ZNF385B: variants seen among roughly 807,000 people sequenced by gnomAD.
The protein encoded by ZNF385B is zinc finger protein 385B.
In ZNF385B, 23 loss-of-function variants were observed where a neutral mutation model predicts 39.2. The ratio of observed to expected loss-of-function variants is 0.59; its 90% CI spans 0.42 to 0.83. The LOEUF (loss-of-function observed/expected upper bound fraction) is 0.83. ZNF385B is among the 40% of genes least tolerant of loss of function. The pLI, the probability that ZNF385B is intolerant of heterozygous loss-of-function variation, is 0.00. For synonymous variants in ZNF385B, 205 were observed against 222.6 expected (o/e 0.92, Z 0.70); for missense variants, 552 against 598.9 (o/e 0.92, Z 0.82).
intron 3 of ZNF385B, among the ~76,000 whole-genome samples, chr2:179,714,681 C>T (rs910812587): frequency 4.6e-5 from 7 of 152,046 alleles, no homozygotes; most frequent in African/African-American, 1.7e-4. Flanking sequence ...CGTGGTGGCT[C>T]ACGCCTGTAA....
chr2:179,704,478 C>A (rs573609343), intron 3 of ZNF385B, among the ~76,000 whole-genome samples: 1 of 152,238 alleles, frequency 6.6e-6, no homozygotes, highest in South Asian at 2.1e-4. Flanking sequence ...ATAGACTTTT[C>A]ATTTTGGAGA....
At chr2:179,790,684 C>T (rs1298350509) in intron 1 of ZNF385B, among the ~76,000 whole-genome samples, 2 of 152,132 alleles carry the variant, frequency 1.3e-5, no homozygotes, top group African/African-American at 2.4e-5. Context: ...TGTTCCACCA[C>T]CTAACAAATA....
At chr2:179,660,905 C>CA (rs1368929196) in intron 3 of ZNF385B, among the ~76,000 whole-genome samples, 3 of 152,136 alleles carry the variant, frequency 2.0e-5, no homozygotes, top group African/African-American at 7.2e-5. Context: ...CAAATATTAG[C>CA]ATATTTTAGC....
chr2:179,729,279 A>C (rs950689656), intron 3 of ZNF385B, among the ~76,000 whole-genome samples: 1 of 152,208 alleles, frequency 6.6e-6, no homozygotes, highest in Non-Finnish European at 1.5e-5. Flanking sequence ...TCAAGCAAAC[A>C]TCATTGACAA....
chr2:179,746,419 T>C (rs1702386587), intron 3 of ZNF385B, among the ~76,000 whole-genome samples: 3 of 152,134 alleles, frequency 2.0e-5, no homozygotes, highest in African/African-American at 4.8e-5. Context: ...ATATTTGACA[T>C]AGATGTCCAT....
intron 3 of ZNF385B, among the ~76,000 whole-genome samples, chr2:179,768,337 T>C (rs1226679835): frequency 6.6e-6 from 1 of 152,186 alleles, no homozygotes; most frequent in African/African-American, 2.4e-5. Context: ...GGAAAAATAA[T>C]TTTTCTACTA....
At chr2:179,639,805 T>C (rs1218319504) in intron 3 of ZNF385B, among the ~76,000 whole-genome samples, 1 of 152,202 alleles carries the variant, frequency 6.6e-6, no homozygotes, top group Non-Finnish European at 1.5e-5. Context: ...TCACAAAGTT[T>C]CAAAGTATCA....
intron 3 of ZNF385B, among the ~76,000 whole-genome samples, chr2:179,686,572 G>A (rs908840373): frequency 6.6e-6 from 1 of 152,088 alleles, no homozygotes; most frequent in Non-Finnish European, 1.5e-5. Flanking sequence ...TGGTAGGACA[G>A]GCAGAAGGGT....
chr2:179,810,500 C>T (rs973815420), intron 1 of ZNF385B, among the ~76,000 whole-genome samples: 7 of 151,780 alleles, frequency 4.6e-5, no homozygotes, highest in African/African-American at 7.2e-5. Context: ...AAAATTATTT[C>T]GTGAATGGGA....
chr2:179,667,561 G>C (rs115446729), intron 3 of ZNF385B, among the ~76,000 whole-genome samples: 1 of 152,064 alleles, frequency 6.6e-6, no homozygotes, highest in Non-Finnish European at 1.5e-5. Flanking sequence ...CACTGATTTC[G>C]GGGCAGCTAA....
chr2:179,486,210 C>T (rs368690420), intron 5 of ZNF385B, among the ~76,000 whole-genome samples: 2 of 152,208 alleles, frequency 1.3e-5, no homozygotes, highest in East Asian at 3.9e-4. Flanking sequence ...CTTACTCTTT[C>T]AGGCACAATT....
chr2:179,640,635 T>A (rs1339055728), intron 3 of ZNF385B, among the ~76,000 whole-genome samples: 4 of 152,116 alleles, frequency 2.6e-5, no homozygotes, highest in African/African-American at 9.7e-5. Flanking sequence ...CCATTTAAAT[T>A]CAATTTGAAA....
chr2:179,445,331 CA>C (rs905094933), intron 8 of ZNF385B, among the ~76,000 whole-genome samples: 5 of 152,202 alleles, frequency 3.3e-5, no homozygotes, highest in African/African-American at 1.2e-4. Flanking sequence ...ATCTCTCCAA[CA>C]TCTAGCCTGG....
chr2:179,659,128 C>A (rs1694159943), intron 3 of ZNF385B, among the ~76,000 whole-genome samples: 1 of 152,200 alleles, frequency 6.6e-6, no homozygotes, highest in Admixed American at 6.5e-5. Context: ...ATTGTTCTCA[C>A]ACATGAGGTA....
intron 3 of ZNF385B, among the ~76,000 whole-genome samples, chr2:179,730,163 T>A (rs1291365478): frequency 6.6e-6 from 1 of 152,214 alleles, no homozygotes; most frequent in African/African-American, 2.4e-5. Flanking sequence ...TACACCCTGC[T>A]TAGAGTGACC....
At chr2:179,516,478 T>C (rs1324404614) in intron 5 of ZNF385B, among the ~76,000 whole-genome samples, 1 of 152,148 alleles carries the variant, frequency 6.6e-6, no homozygotes, top group Non-Finnish European at 1.5e-5. Flanking sequence ...ACCATTCTAA[T>C]AGGTGTAGTG....
intron 3 of ZNF385B, among the ~76,000 whole-genome samples, chr2:179,761,046 T>G (rs996751489): frequency 2.6e-5 from 4 of 152,124 alleles, no homozygotes; most frequent in African/African-American, 9.7e-5. Context: ...AAAAATCAAT[T>G]GAGTATGTGT....
Position 179,484,309 on chromosome 2 carries a change from A to C in ZNF385B, c.553-875T>G, listed in dbSNP as rs190522706. The stretch of plus-strand genomic sequence containing the variant: ...TATACATTAACAAAATAATCTAAAT[A>C]TATTCACTTGAATTGAATTTTGAAA... On this transcript the variant is annotated intron_variant, in intron 5 of 9. Coordinates refer to ENST00000410066, the MANE Select transcript of ZNF385B (RefSeq NM_152520.6). Among the ~76,000 whole-genome samples the C allele has an allele frequency of 2.0e-5, 3 of 152,226 alleles. No homozygotes were observed. In the East Asian group the frequency reaches 5.8e-4, roughly 29 times the overall value.
At chr2:179,474,579 A>G (rs2053204049) in intron 6 of ZNF385B, among the ~76,000 whole-genome samples, 2 of 152,192 alleles carry the variant, frequency 1.3e-5, no homozygotes, top group Admixed American at 1.3e-4. Flanking sequence ...TAGTACATAT[A>G]AAATATTTAG....
Sources: allele counts gnomAD v4.1 joint callset (sites outside exome capture counted in the v4.1 genomes callset), GRCh38; gene constraint gnomAD v4.1.1; transcripts MANE v1.5; gene names NCBI Gene and HGNC (gene_info 2026-07-23, HGNC 2026-07-21).